CCSER2: variants seen among roughly 807,000 people sequenced by gnomAD.
The protein encoded by CCSER2 is coiled-coil serine rich protein 2, also known as serine-rich coiled-coil domain-containing protein 2.
Under a neutral mutation model 92.3 loss-of-function variants are expected in CCSER2, and 46 were observed. That is an observed-to-expected ratio of 0.50 (90% CI 0.39 to 0.64). The LOEUF is 0.64. Among genes scored for constraint, CCSER2 ranks in the 30% least tolerant of loss-of-function variants. CCSER2 has a pLI of 0.00. For synonymous variants in CCSER2, 433 were observed against 431.4 expected (o/e 1.00, Z -0.04); for missense variants, 1,244 against 1,238.9 (o/e 1.00, Z -0.06).
intron 1 of CCSER2, among the ~76,000 whole-genome samples, chr10:84,360,610 T>C (rs17103367): frequency 0.21 from 31,773 of 152,236 alleles, 3,579 homozygotes; most frequent in Admixed American, 0.34. Flanking sequence ...AAGTTGCCAA[T>C]GTCTCAGTCA....
At chr10:84,486,746 A>C (rs1847833439) in intron 9 of CCSER2, among the ~76,000 whole-genome samples, 1 of 152,214 alleles carries the variant, frequency 6.6e-6, no homozygotes, top group South Asian at 2.1e-4. Context: ...TCTTTAGTTT[A>C]ATTAGATCCC....
At chr10:84,508,194 A>T (rs1245065348) in intron 9 of CCSER2, among the ~76,000 whole-genome samples, 1 of 152,220 alleles carries the variant, frequency 6.6e-6, no homozygotes, top group African/African-American at 2.4e-5. Context: ...TTACTCATTT[A>T]TAGAAAGAAA....
rs138233806 is a variant in CCSER2 at position 84,432,988 on chromosome 10, C to A, written c.1869-5524C>A. On this transcript the variant is annotated intron_variant, in intron 5 of 9. Coordinates refer to ENST00000372088, the MANE Select transcript of CCSER2 (RefSeq NM_001284240.2). ...ATCTTTTATACTCTGTTTTGAATTG[C>A]CTTTGCTCCTTTGTCGAAGATCAAT... Among the ~76,000 whole-genome samples the A allele has an allele frequency of 3.6e-3, 545 of 152,194 alleles. 4 individuals carry two copies. Among genetic ancestry groups the A allele is most frequent in the South Asian group, 0.024 (116 of 4,820 alleles).
chr10:84,348,255 C>A (rs531371420), intron 1 of CCSER2, among the ~76,000 whole-genome samples: 1 of 152,214 alleles, frequency 6.6e-6, no homozygotes, highest in Non-Finnish European at 1.5e-5. Flanking sequence ...GCTGGAGACC[C>A]GCCCGGCCAA....
At chr10:84,479,146 G>GC (rs1379139049) in intron 9 of CCSER2, among the ~76,000 whole-genome samples, 1 of 152,148 alleles carries the variant, frequency 6.6e-6, no homozygotes, top group African/African-American at 2.4e-5. Flanking sequence ...GAAACTGGAT[G>GC]TTAGTCTTCC....
intron 6 of CCSER2, among the ~76,000 whole-genome samples, chr10:84,447,687 A>G (rs1845010268): frequency 6.6e-6 from 1 of 152,230 alleles, no homozygotes; most frequent in Admixed American, 6.5e-5. Context: ...TTAAATCTCA[A>G]ATAACTTGGA....
Position 84,470,566 on chromosome 10 carries a change from G to A in CCSER2, c.2235+108G>A, listed in dbSNP as rs1331378561. ...TTTAGCTTTATTTTTGGCTCTCAAA[G>A]TTGCACTTTTATATTATTTTTAGAT... is the stretch of plus-strand genomic sequence containing the variant. On this transcript the variant is annotated intron_variant, in intron 8 of 9. Transcript: ENST00000372088. The A allele has an allele frequency of 4.3e-6, 4 of 938,156 alleles. No individual in the cohort carries two copies. In the East Asian group the frequency reaches 1.8e-4, roughly 42 times the overall value. The allele number at this position is 938,156 out of a possible 1,614,324, so 58.1% of individuals were successfully genotyped here. A position where few individuals can be genotyped will look rare whatever the true frequency, so the allele number is the denominator to read the frequency against.
chr10:84,513,781 T>G lies in CCSER2; in HGVS notation c.2658T>G (p.Thr886=), dbSNP rs1465513768. Reference sequence around the variant, plus strand: ...TTAGTGACATGCAGTTTATACCCACTTCTCTTCAGACACCTCCCGAGTCAA... The same window carrying G: ...TTAGTGACATGCAGTTTATACCCACGTCTCTTCAGACACCTCCCGAGTCAA... ...NQISDMQFIP[T]SLQTPPESST... The change falls in exon 10 of 10, where the codon ACT becomes ACG. Residue 886 remains threonine, a synonymous_variant. Coordinates refer to ENST00000372088, the MANE Select transcript of CCSER2 (RefSeq NM_001284240.2). The G allele has an allele frequency of 3.3e-6, 5 of 1,536,466 alleles. No individual in the cohort carries two copies. The highest frequency in any genetic ancestry group is 4.4e-6 in the Non-Finnish European group (5 of 1,146,946).
chr10:84,352,862 C>T (rs1844941208), intron 1 of CCSER2, among the ~76,000 whole-genome samples: 2 of 151,970 alleles, frequency 1.3e-5, no homozygotes, highest in South Asian at 4.2e-4. Flanking sequence ...ACAATCTTGG[C>T]TCACTGCAAC....
chr10:84,455,708 A>G, intron 6 of CCSER2: 1 of 790,044 alleles, frequency 1.3e-6, no homozygotes, highest in Non-Finnish European at 2.3e-6. Context: ...ATTCTTTACC[A>G]AAAGATCAAA....
intron 5 of CCSER2, among the ~76,000 whole-genome samples, chr10:84,436,550 G>A (rs774891109): frequency 6.7e-6 from 1 of 148,152 alleles, no homozygotes. Context: ...CAGAGGAATG[G>A]CATGAATCCC....
intron 3 of CCSER2, among the ~76,000 whole-genome samples, chr10:84,408,667 A>G (rs1842489851): frequency 6.6e-6 from 1 of 152,232 alleles, no homozygotes; most frequent in Non-Finnish European, 1.5e-5. Context: ...AAAGTTTGGC[A>G]TCTTTTTAAC....
intron 3 of CCSER2, among the ~76,000 whole-genome samples, chr10:84,407,769 A>G (rs1032141082): frequency 6.6e-6 from 1 of 152,210 alleles, no homozygotes; most frequent in Non-Finnish European, 1.5e-5. Flanking sequence ...AGTGCTTTGC[A>G]TATATTAGTA....
chr10:84,362,888 G>A (rs55648923), intron 1 of CCSER2, among the ~76,000 whole-genome samples: 14,335 of 151,968 alleles, frequency 0.094, 783 homozygotes, highest in Non-Finnish European at 0.12. Context: ...CCAGGCTGGA[G>A]TGCAATGGCG....
At chr10:84,506,823 A>AT (rs1440075668) in intron 9 of CCSER2, among the ~76,000 whole-genome samples, 1 of 151,878 alleles carries the variant, frequency 6.6e-6, no homozygotes, top group East Asian at 1.9e-4. Flanking sequence ...AAATAAATAA[A>AT]TAAATCTAAC....
chr10:84,499,856 C>T (rs779644240), intron 9 of CCSER2: 3 of 1,613,206 alleles, frequency 1.9e-6, no homozygotes, highest in East Asian at 2.2e-5. Flanking sequence ...ACCTCCCTAC[C>T]CCATCTCTCT....
intron 1 of CCSER2, among the ~76,000 whole-genome samples, chr10:84,366,087 C>G (rs1300662793): frequency 1.3e-5 from 2 of 152,052 alleles, no homozygotes; most frequent in African/African-American, 4.8e-5. Context: ...ACCTCAGCAT[C>G]CTTTTTGTTT....
At chr10:84,391,744 A>G (rs1841530656) in intron 3 of CCSER2, 4 of 1,503,092 alleles carry the variant, frequency 2.7e-6, no homozygotes, top group Non-Finnish European at 3.7e-6. Flanking sequence ...CCCCCATGCT[A>G]CAGCAGTATG....
Position 84,372,387 on chromosome 10 carries a change from A to G in CCSER2, c.1335A>G (p.Pro445=), listed in dbSNP as rs1361837565. 1 of 1,609,972 alleles carries G rather than the reference A, an allele frequency of 6.2e-7. No homozygotes were observed. The highest frequency in any genetic ancestry group is 8.5e-7 in the Non-Finnish European group (1 of 1,178,778). Residue 445 remains proline (P), a synonymous_variant, in exon 2 of 10, where the codon CCA becomes CCG. Transcript: ENST00000372088. Reference sequence around the variant, plus strand: ...AAGAAGAGAAACATGAAAATGGGCCACCACAGGATATGTTTGATTCCCCCA... The same window carrying G: ...AAGAAGAGAAACATGAAAATGGGCCGCCACAGGATATGTTTGATTCCCCCA... ...SLKEEKHENG[P]PQDMFDSPKE...
Sources: allele counts gnomAD v4.1 joint callset (sites outside exome capture counted in the v4.1 genomes callset), GRCh38; gene constraint gnomAD v4.1.1; transcripts MANE v1.5; gene names NCBI Gene and HGNC (gene_info 2026-07-23, HGNC 2026-07-21).